Variants in ZRANB3 observed in about 807,000 individuals in gnomAD.
ZRANB3 encodes zinc finger RANBP2-type containing 3.
ZRANB3 carries 125 observed loss-of-function variants against 133.8 expected under a neutral mutation model. The ratio of observed to expected loss-of-function variants is 0.93; its 90% confidence interval spans 0.81 to 1.08. The LOEUF (loss-of-function observed/expected upper bound fraction) is 1.08. Among genes scored for constraint, ZRANB3 ranks in the 50% least tolerant of loss-of-function variants. ZRANB3 has a pLI of 0.00. For synonymous variants in ZRANB3, 387 were observed against 432.7 expected (o/e 0.89, Z 1.31); for missense variants, 1,229 against 1,275.5 (o/e 0.96, Z 0.56).
chr2:135,325,554 G>A (rs1573913588), intron 6 of ZRANB3, among the ~76,000 whole-genome samples: 3 of 152,176 alleles, frequency 2.0e-5, no homozygotes, highest in East Asian at 1.9e-4. Context: ...ACCATGCCTG[G>A]CTAATTTTGT....
chr2:135,494,140 A>G (rs1466555238), intron 2 of ZRANB3, among the ~76,000 whole-genome samples: 1 of 78,102 alleles, frequency 1.3e-5, no homozygotes, highest in South Asian at 5.1e-4. Context: ...GAGAGAGGGA[A>G]GGAAGGAAGG....
chr2:135,268,398 C>G (rs954722197), intron 11 of ZRANB3, among the ~76,000 whole-genome samples: 1 of 152,100 alleles, frequency 6.6e-6, no homozygotes, highest in Non-Finnish European at 1.5e-5. Flanking sequence ...AACTCCTGAC[C>G]TCAGGTGATC....
At chr2:135,455,575 C>T (rs1690474836) in intron 2 of ZRANB3, among the ~76,000 whole-genome samples, 1 of 148,212 alleles carries the variant, frequency 6.7e-6, no homozygotes, top group East Asian at 2.0e-4. Flanking sequence ...CTGAGGCCAA[C>T]TATTGATTTT....
Position 135,340,810 on chromosome 2 carries a change from C to T in ZRANB3, c.677+4740G>A, listed in dbSNP as rs551713160. Among the ~76,000 whole-genome samples the T allele has an allele frequency of 4.4e-4, 62 of 139,618 alleles. 1 individual carries two copies. The highest frequency in any genetic ancestry group is 1.5e-3 in the South Asian group (7 of 4,812). 91.6% of individuals were successfully genotyped at this position (139,618 alleles called of 152,430 possible). ...GGTGGAGGTTGCAATGAGCCAAGAC[C>T]GCACCATTGCACCCCAGGCTGGTCA... On this transcript the variant is annotated intron_variant, in intron 6 of 20. Coordinates refer to ENST00000264159, the MANE Select transcript of ZRANB3 (RefSeq NM_032143.4).
chr2:135,448,513 C>T (rs1005356834), intron 2 of ZRANB3, among the ~76,000 whole-genome samples: 1 of 152,164 alleles, frequency 6.6e-6, no homozygotes, highest in African/African-American at 2.4e-5. Context: ...TATTAGCAAT[C>T]ACATGCAAAA....
intron 3 of ZRANB3, among the ~76,000 whole-genome samples, chr2:135,387,172 C>T (rs1009672470): frequency 3.3e-5 from 5 of 151,848 alleles, no homozygotes; most frequent in African/African-American, 9.7e-5. Context: ...AAAGTAGGTT[C>T]AATAACACAG....
intron 4 of ZRANB3, among the ~76,000 whole-genome samples, chr2:135,350,519 T>G (rs1366190154): frequency 6.6e-6 from 1 of 152,210 alleles, no homozygotes; most frequent in South Asian, 2.1e-4. Flanking sequence ...CCTAGGATCA[T>G]GCATAAAATG....
intron 3 of ZRANB3, among the ~76,000 whole-genome samples, chr2:135,365,481 GAAC>G (rs1685890506): frequency 6.6e-6 from 1 of 152,026 alleles, no homozygotes; most frequent in Non-Finnish European, 1.5e-5. Flanking sequence ...CAAATTGGAA[GAAC>G]AATAACTTGC....
At chr2:135,530,580 G>A (rs909495854) in intron 1 of ZRANB3, 1 of 152,234 alleles carries the variant, frequency 6.6e-6, no homozygotes. Context: ...GGACGTGTCC[G>A]CCCCTAAGCG....
chr2:135,451,780 T>C (rs541134256), intron 2 of ZRANB3, among the ~76,000 whole-genome samples: 7 of 152,296 alleles, frequency 4.6e-5, no homozygotes, highest in Non-Finnish European at 8.8e-5. Context: ...GCATTCCATA[T>C]GTAGAAGAAG....
chr2:135,350,636 T>C (rs140078319), intron 4 of ZRANB3, among the ~76,000 whole-genome samples: 22 of 152,284 alleles, frequency 1.4e-4, no homozygotes, highest in African/African-American at 3.6e-4. Context: ...AGTGAAGCTC[T>C]GCAGTGCACT....
intron 2 of ZRANB3, among the ~76,000 whole-genome samples, chr2:135,483,372 C>A (rs145027274): frequency 0.18 from 27,860 of 152,038 alleles, 3,331 homozygotes; most frequent in South Asian, 0.33. Flanking sequence ...AGGAATTTAT[C>A]CATTTCTTCT....
intron 3 of ZRANB3, among the ~76,000 whole-genome samples, chr2:135,353,977 C>T (rs1182941565): frequency 6.6e-6 from 1 of 151,974 alleles, no homozygotes; most frequent in Non-Finnish European, 1.5e-5. Context: ...ACACTCCAGC[C>T]TGGGTGACAG....
At chr2:135,511,657 C>G in intron 1 of ZRANB3, 1 of 770,506 alleles carries the variant, frequency 1.3e-6, no homozygotes, top group Non-Finnish European at 2.4e-6. Flanking sequence ...AGACAGAAGC[C>G]CCAACACCTG....
intron 2 of ZRANB3, among the ~76,000 whole-genome samples, chr2:135,438,889 A>C (rs1369853629): frequency 6.6e-6 from 1 of 152,180 alleles, no homozygotes; most frequent in Admixed American, 6.5e-5. Flanking sequence ...AAAAGATGAG[A>C]CTGATTTTGA....
At chr2:135,490,372 A>AT (rs764642284) in intron 2 of ZRANB3, among the ~76,000 whole-genome samples, 1 of 152,224 alleles carries the variant, frequency 6.6e-6, no homozygotes, top group Non-Finnish European at 1.5e-5. Context: ...CTCAAGGAAG[A>AT]TATATAAACT....
chr2:135,390,751 A>C (rs1687187629), intron 3 of ZRANB3, 51 bp downstream of exon 3: 1 of 1,555,196 alleles, frequency 6.4e-7, no homozygotes, highest in Non-Finnish European at 8.7e-7. Flanking sequence ...CAGACACTAA[A>C]AACAAGCTGT....
intron 2 of ZRANB3, among the ~76,000 whole-genome samples, chr2:135,409,942 T>C (rs1392919759): frequency 1.3e-5 from 2 of 152,094 alleles, no homozygotes; most frequent in Non-Finnish European, 2.9e-5. Flanking sequence ...GAAAGATCTC[T>C]ATAAGGAGAA....
intron 3 of ZRANB3, among the ~76,000 whole-genome samples, chr2:135,367,894 T>C (rs1686008419): frequency 6.6e-6 from 1 of 152,152 alleles, no homozygotes; most frequent in African/African-American, 2.4e-5. Flanking sequence ...TGAGAAGTTA[T>C]TCAATAATGT....
Sources: allele counts gnomAD v4.1 joint callset (sites outside exome capture counted in the v4.1 genomes callset), GRCh38; gene constraint gnomAD v4.1.1; transcripts MANE v1.5; gene names NCBI Gene and HGNC (gene_info 2026-07-23, HGNC 2026-07-21).